Variants in NAV1 observed in about 807,000 individuals in gnomAD.
The protein encoded by NAV1 is neuron navigator 1, also known as pore membrane and/or filament interacting like protein 3.
Under a neutral mutation model 175.2 loss-of-function variants are expected in NAV1, and 18 were observed. The ratio of observed to expected loss-of-function variants is 0.10; its 90% CI spans 0.07 to 0.15. The LOEUF (loss-of-function observed/expected upper bound fraction) is 0.15. Ranked by LOEUF, NAV1 falls within the 10% of genes least tolerant of loss-of-function variation. NAV1 has a pLI of 1.00. For missense variants in NAV1, 1,731 were observed against 2,436.6 expected (o/e 0.71, Z 6.10); for synonymous variants, 897 against 978.7 (o/e 0.92, Z 1.56).
rs976467828 is a variant in NAV1, at chr1:201,702,363, G to GT, written c.758-10446dup. Among the ~76,000 whole-genome samples the GT allele has an allele frequency of 7.2e-5, 11 of 151,964 alleles. 1 individual carries two copies. Among genetic ancestry groups the GT allele is most frequent in the East Asian group, 1.9e-4 (1 of 5,164 alleles). On this transcript the variant is annotated intron_variant, in intron 1 of 29. Transcript: ENST00000367296. ...AACAATTGAACTGTACATTTTATTT[G>GT]TTTTTTTTATTATTATTTTTGAGAT...
chr1:201,755,167 ACT>A (rs1275023147), intron 3 of NAV1, among the ~76,000 whole-genome samples: 1 of 152,216 alleles, frequency 6.6e-6, no homozygotes, highest in African/African-American at 2.4e-5. Context: ...ATCAACAAAT[ACT>A]CTCTTATCTC....
intron 1 of NAV1, among the ~76,000 whole-genome samples, chr1:201,700,742 T>C (rs1262885343): frequency 6.6e-6 from 1 of 152,102 alleles, no homozygotes; most frequent in Non-Finnish European, 1.5e-5. Flanking sequence ...CCGGGCGCAA[T>C]GGCTCACGCC....
intron 3 of NAV1, among the ~76,000 whole-genome samples, chr1:201,726,153 G>A (rs1672597562): frequency 6.6e-6 from 1 of 152,168 alleles, no homozygotes; most frequent in South Asian, 2.1e-4. Flanking sequence ...TAGGGAAGAA[G>A]CACTGGGCTA....
At chr1:201,645,970 A>T (rs1220331140), upstream of NAV1, among the ~76,000 whole-genome samples, 1 of 152,224 alleles carries the variant, frequency 6.6e-6, no homozygotes, top group Non-Finnish European at 1.5e-5. Flanking sequence ...TTGTGACTTC[A>T]TTACAAGTAC....
At chr1:201,611,051 C>T (rs1185974902) in intron 2 of NAV1, among the ~76,000 whole-genome samples, 3 of 152,176 alleles carry the variant, frequency 2.0e-5, no homozygotes, top group Non-Finnish European at 4.4e-5. Context: ...GCTGGGGATA[C>T]TGAGCCCCAC....
intron 1 of NAV1, among the ~76,000 whole-genome samples, chr1:201,568,157 G>T (rs1181328331): frequency 2.6e-5 from 4 of 152,166 alleles, no homozygotes; most frequent in Admixed American, 2.6e-4. Flanking sequence ...AAAAGGCAGT[G>T]GGGGGCAGCT....
At chr1:201,587,670 G>A (rs1667074687) in intron 1 of NAV1, among the ~76,000 whole-genome samples, 2 of 151,852 alleles carry the variant, frequency 1.3e-5, no homozygotes, top group Non-Finnish European at 2.9e-5. Context: ...GGCAACACAG[G>A]GAGACCCTAC....
intron 1 of NAV1, among the ~76,000 whole-genome samples, chr1:201,660,078 T>G (rs906921018): frequency 6.6e-6 from 1 of 152,206 alleles, no homozygotes; most frequent in African/African-American, 2.4e-5. Flanking sequence ...AGGGCCTTGA[T>G]GGTGACGTGA....
At chr1:201,706,009 G>A (rs1039036965) in intron 1 of NAV1, among the ~76,000 whole-genome samples, 2 of 152,118 alleles carry the variant, frequency 1.3e-5, no homozygotes, top group African/African-American at 2.4e-5. Flanking sequence ...ACCAAGGAGT[G>A]CACTGAGGTG....
chr1:201,556,274 C>T (rs563499382), intron 1 of NAV1, among the ~76,000 whole-genome samples: 38 of 152,026 alleles, frequency 2.5e-4, no homozygotes, highest in African/African-American at 7.7e-4. Context: ...AAAAATTAGT[C>T]GGGCATGGTG....
At chr1:201,615,488 C>T (rs1249820785) in intron 2 of NAV1, among the ~76,000 whole-genome samples, 3 of 152,062 alleles carry the variant, frequency 2.0e-5, no homozygotes, top group Admixed American at 6.5e-5. Flanking sequence ...TGGTTTTGAA[C>T]CCCTGACCTC....
chr1:201,621,623 C>T (rs1459741548), upstream of NAV1, among the ~76,000 whole-genome samples: 8 of 152,136 alleles, frequency 5.3e-5, 1 homozygote, highest in Admixed American at 1.3e-4. Context: ...TGAGCCACTG[C>T]GCCCAGTCTG....
At chr1:201,559,883 T>C (rs1438204682) in intron 1 of NAV1, among the ~76,000 whole-genome samples, 2 of 152,148 alleles carry the variant, frequency 1.3e-5, no homozygotes, top group Non-Finnish European at 2.9e-5. Context: ...CGCCCTCCTC[T>C]CCTATGCAGG....
intron 1 of NAV1, among the ~76,000 whole-genome samples, chr1:201,572,695 AC>A (rs2102176102): frequency 6.6e-6 from 1 of 152,074 alleles, no homozygotes; most frequent in African/African-American, 2.4e-5. Flanking sequence ...AGCCTTTATC[AC>A]CATCAATGAA....
intron 1 of NAV1, among the ~76,000 whole-genome samples, chr1:201,689,861 T>C (rs901648095): frequency 2.0e-5 from 3 of 152,224 alleles, no homozygotes; most frequent in African/African-American, 7.2e-5. Context: ...CCCCAGAGTG[T>C]GTCTATTTCC....
chr1:201,811,359 A>G (rs1011852473), intron 24 of NAV1, among the ~76,000 whole-genome samples: 6 of 152,112 alleles, frequency 3.9e-5, no homozygotes, highest in Non-Finnish European at 7.4e-5. Flanking sequence ...GTGAAAATCC[A>G]TCTAGGAAAT....
intron 1 of NAV1, among the ~76,000 whole-genome samples, chr1:201,656,077 T>C (rs577503101): frequency 1.8e-4 from 27 of 152,304 alleles, no homozygotes; most frequent in African/African-American, 4.8e-4. Context: ...AGCGCTGTTG[T>C]ATGTTGCGTG....
chr1:201,700,473 T>C (rs1671367874), intron 1 of NAV1, among the ~76,000 whole-genome samples: 1 of 152,200 alleles, frequency 6.6e-6, no homozygotes, highest in African/African-American at 2.4e-5. Flanking sequence ...ATAGGAACGC[T>C]TTTACACTGT....
At chr1:201,589,731 A>T (rs987589120) in intron 2 of NAV1, among the ~76,000 whole-genome samples, 2 of 152,116 alleles carry the variant, frequency 1.3e-5, no homozygotes, top group African/African-American at 4.8e-5. Flanking sequence ...GGCTCATGTG[A>T]TCTGCCTGCC....
Sources: gnomAD v4.1 joint callset for allele counts (sites outside exome capture counted in the v4.1 genomes callset) on GRCh38, gnomAD v4.1.1 for gene constraint, MANE v1.5 for transcripts, NCBI Gene and HGNC (gene_info 2026-07-23, HGNC 2026-07-21) for gene names.